AFF1: variants seen among roughly 807,000 people sequenced by gnomAD.
AFF1 encodes AF4/FMR2 family member 1.
In AFF1, 48 loss-of-function variants were observed where a neutral mutation model predicts 121.7. That is an observed-to-expected ratio of 0.39 (90% CI 0.31 to 0.50). AFF1 has a LOEUF of 0.50. AFF1 is among the 20% of genes least tolerant of loss of function. The probability of loss-of-function intolerance (pLI) is 0.76; values close to 1 mark genes in which losing one functional copy is unlikely to be tolerated. For synonymous variants in AFF1, 613 were observed against 563.0 expected (o/e 1.09, Z -1.26); for missense variants, 1,523 against 1,511.7 (o/e 1.01, Z -0.12).
At chr4:87,021,293 G>C (rs1285661589) in intron 2 of AFF1, among the ~76,000 whole-genome samples, 1 of 152,122 alleles carries the variant, frequency 6.6e-6, no homozygotes, top group East Asian at 1.9e-4. Context: ...TCATGGAATG[G>C]GAAAGGCTAA....
intron 2 of AFF1, among the ~76,000 whole-genome samples, chr4:86,958,917 T>C (rs1205885180): frequency 6.6e-6 from 1 of 152,162 alleles, no homozygotes; most frequent in Non-Finnish European, 1.5e-5. Context: ...ATTTGTTTGT[T>C]TCCTATTAAT....
At chr4:86,985,175 GTA>G (rs1560518249) in intron 2 of AFF1, among the ~76,000 whole-genome samples, 3 of 73,814 alleles carry the variant, frequency 4.1e-5, no homozygotes, top group African/African-American at 2.3e-4. Flanking sequence ...TATATAATAT[GTA>G]TTACTATATA....
At chr4:87,098,676 C>T (rs562053355) in intron 8 of AFF1, among the ~76,000 whole-genome samples, 1 of 152,314 alleles carries the variant, frequency 6.6e-6, no homozygotes, top group Admixed American at 6.5e-5. Flanking sequence ...AGGTGCCCTC[C>T]ATTATTTTTC....
chr4:86,985,782 A>G (rs1724206281), intron 2 of AFF1, among the ~76,000 whole-genome samples: 1 of 152,078 alleles, frequency 6.6e-6, no homozygotes, highest in South Asian at 2.1e-4. Flanking sequence ...ATAATAATAA[A>G]AGAATCAAGC....
At position 87,049,275 on chromosome 4, in the gene AFF1, G is replaced by C. The variant is rs1433219650; in HGVS notation, c.1059+1681G>C. The stretch of plus-strand genomic sequence containing the variant: ...CCTTGCTGCAGGACAGATTAGTCTA[G>C]TATAGAGATCAGCCTACACTTATGA... On this transcript the variant is annotated intron_variant, in intron 4 of 20. Transcript: ENST00000395146. Among the ~76,000 whole-genome samples the C allele has an allele frequency of 3.3e-5, 5 of 152,292 alleles. No individual in the cohort carries two copies. The East Asian group carries it at 5.8e-4, about 18-fold the overall frequency.
Position 87,007,380 on chromosome 4 carries a change from G to GA in AFF1, c.39-38784dup, listed in dbSNP as rs1000670031. On this transcript the variant is annotated intron_variant, in intron 2 of 20. Transcript: ENST00000395146. ...CGCGGGGTGAAGGCGCTCATGGACG[G>GA]AAGACCCCTGGCTCTATAAGCTGAA... 6.2e-6 allele frequency: 10 copies of GA among 1,613,786 alleles called. No homozygotes were observed. In the African/African-American group the frequency reaches 6.7e-5, roughly 11 times the overall value.
intron 4 of AFF1, among the ~76,000 whole-genome samples, chr4:87,055,984 A>G (rs540637409): frequency 3.3e-5 from 5 of 152,170 alleles, no homozygotes; most frequent in Non-Finnish European, 7.4e-5. Context: ...AAATAACTCT[A>G]TTGATGGTTT....
chr4:86,952,700 T>C (rs1347873449), intron 2 of AFF1, among the ~76,000 whole-genome samples: 1 of 149,106 alleles, frequency 6.7e-6, no homozygotes, highest in Non-Finnish European at 1.5e-5. Context: ...TTTTTTTTTT[T>C]TTTTTTGAGA....
rs751855990 is a variant in AFF1, at chr4:87,046,261, T to C, written c.134T>C (p.Ile45Thr). The stretch of plus-strand genomic sequence containing the variant: ...GAGAAAGAGGCATTTCCTGAAAAGA[T>C]TCCCCTTTTTGGAGAGCCCTACAAG... ...HQEKEAFPEK[I>T]PLFGEPYKTA... The change falls in exon 3 of 21, where the codon ATT (isoleucine) becomes ACT (threonine). Residue 45 changes from isoleucine to threonine, a missense_variant. Around this residue, in one of 5 missense-constraint regions of AFF1, gnomAD observed 369 missense variants for 367.2 expected, o/e 1.00. Transcript: ENST00000395146. 6.2e-7 allele frequency: 1 copy of C among 1,613,386 alleles called. No individual in the cohort carries two copies. Among genetic ancestry groups the C allele is most frequent in the Non-Finnish European group, 8.5e-7 (1 of 1,179,828 alleles).
At chr4:86,970,589 A>T (rs1014287063) in intron 2 of AFF1, among the ~76,000 whole-genome samples, 5 of 152,222 alleles carry the variant, frequency 3.3e-5, no homozygotes, top group Admixed American at 3.3e-4. Flanking sequence ...CCTAGTGTGT[A>T]TGGGTAAACA....
intron 4 of AFF1, 62 bp from the exon 5 acceptor site, chr4:87,084,058 A>C: frequency 1.4e-6 from 2 of 1,453,210 alleles, no homozygotes; most frequent in African/African-American, 2.8e-5. Flanking sequence ...ACAGTCATCC[A>C]CCAGTACCAT....
chr4:87,126,764 G>A (rs1354633873), intron 14 of AFF1, among the ~76,000 whole-genome samples: 1 of 152,088 alleles, frequency 6.6e-6, no homozygotes, highest in African/African-American at 2.4e-5. Context: ...TGTTTGGATT[G>A]ACTAAGAGAA....
At chr4:87,060,493 G>A (rs1720631545) in intron 4 of AFF1, among the ~76,000 whole-genome samples, 1 of 152,100 alleles carries the variant, frequency 6.6e-6, no homozygotes, top group African/African-American at 2.4e-5. Flanking sequence ...AATGGGTAGG[G>A]CATACACTCT....
Position 86,935,083 on chromosome 4 carries a change from G to C in AFF1, c.-194G>C, listed in dbSNP as rs1288212531. 1 of 152,176 alleles carries C rather than the reference G, an allele frequency of 6.6e-6. No individual in the cohort carries two copies. Among genetic ancestry groups the C allele is most frequent in the African/African-American group, 2.4e-5 (1 of 41,452 alleles). The allele number at this position is 152,176 out of a possible 1,614,324, so 9.4% of individuals were successfully genotyped here. On this transcript the variant is annotated 5_prime_UTR_variant, in exon 1 of 21. Transcript: ENST00000395146. ...GCCGCCTGCGCGCGTTGCGGCCGCA[G>C]CTGCACCTTTGCCTCCGCGGTTCCG... is the stretch of plus-strand genomic sequence containing the variant.
intron 2 of AFF1, among the ~76,000 whole-genome samples, chr4:87,043,224 CAG>C (rs1477185200): frequency 6.6e-6 from 1 of 152,164 alleles, no homozygotes; most frequent in Non-Finnish European, 1.5e-5. Flanking sequence ...AGTGGCATAT[CAG>C]AGAGGGGAGA....
At chr4:87,047,938 C>T (rs996919659) in intron 4 of AFF1, 3 of 278,822 alleles carry the variant, frequency 1.1e-5, no homozygotes, top group African/African-American at 4.4e-5. Flanking sequence ...GAGAAGATTT[C>T]GGTTACCAGA....
chr4:87,003,058 A>G (rs894922228), intron 2 of AFF1, among the ~76,000 whole-genome samples: 1 of 152,190 alleles, frequency 6.6e-6, no homozygotes, highest in Non-Finnish European at 1.5e-5. Context: ...AGCCACATAC[A>G]GTATCCAAGT....
intron 1 of AFF1, among the ~76,000 whole-genome samples, chr4:86,937,589 T>C (rs1355021097): frequency 6.6e-6 from 1 of 152,222 alleles, no homozygotes; most frequent in African/African-American, 2.4e-5. Context: ...CAAGTCACTT[T>C]ATTTATTTTT....
rs376847723 is a variant in AFF1, at chr4:87,126,205, C to T, written c.2680C>T (p.Arg894Trp). 30 of 1,614,090 alleles carry T rather than the reference C, an allele frequency of 1.9e-5. 1 individual carries two copies. In the South Asian group the frequency reaches 2.4e-4, roughly 13 times the overall value. The stretch of plus-strand genomic sequence containing the variant: ...CAAGCCTGCACTTAAGAGGTCAAGG[C>T]GGGAAGCAGACACCTGTGGCCAGGA... ...PAKPALKRSR[R>W]EADTCGQDPP... is the part of the protein sequence containing the mutation. The change falls in exon 14 of 21, where the codon CGG (arginine) becomes TGG (tryptophan). Residue 894 changes from arginine (R) to tryptophan (W), a missense_variant. Physicochemically the swap from Arg to Trp is moderately radical, Grantham distance 101. This residue lies in a region of AFF1 where 905 missense variants were observed against 842.5 expected (regional missense o/e 1.07). Transcript: ENST00000395146.
Sources: allele counts gnomAD v4.1 joint callset (sites outside exome capture counted in the v4.1 genomes callset), GRCh38; gene constraint gnomAD v4.1.1; regional missense constraint gnomAD v4.1.1; transcripts MANE v1.5; gene names NCBI Gene and HGNC (gene_info 2026-07-23, HGNC 2026-07-21).